CNTNAP2: variants seen among roughly 807,000 people sequenced by gnomAD.
The protein encoded by CNTNAP2 is contactin associated protein 2, also known as contactin-associated protein-like 2.
In CNTNAP2, 98 loss-of-function variants were observed where a neutral mutation model predicts 155.2. The ratio of observed to expected loss-of-function variants is 0.63; its 90% confidence interval spans 0.54 to 0.75. The LOEUF is 0.75. CNTNAP2 is among the 30% of genes least tolerant of loss of function. CNTNAP2 has a pLI of 0.00. For missense variants in CNTNAP2, 1,727 were observed against 1,688.1 expected (o/e 1.02, Z -0.40); for synonymous variants, 651 against 631.2 (o/e 1.03, Z -0.47).
chr7:146,677,718 T>C (rs192888993), intron 1 of CNTNAP2, among the ~76,000 whole-genome samples: 13 of 151,950 alleles, frequency 8.6e-5, no homozygotes, highest in Non-Finnish European at 1.6e-4. Flanking sequence ...AAAGAGGCAG[T>C]TCCTGAATTG....
intron 8 of CNTNAP2, among the ~76,000 whole-genome samples, chr7:147,222,789 A>G (rs1803433060): frequency 6.7e-6 from 1 of 149,342 alleles, no homozygotes; most frequent in Admixed American, 6.7e-5. Flanking sequence ...TTGGACTGTG[A>G]ACATCACAAG....
intron 1 of CNTNAP2, among the ~76,000 whole-genome samples, chr7:146,128,123 C>T (rs1026916316): frequency 2.0e-4 from 30 of 152,112 alleles, no homozygotes; most frequent in Admixed American, 1.6e-3. Flanking sequence ...ACTAAAAACA[C>T]ATTACTCTCT....
intron 10 of CNTNAP2, among the ~76,000 whole-genome samples, chr7:147,407,467 CAAAAAAAAAAAAAAAAAA>C (rs768738493): frequency 4.6e-5 from 3 of 64,864 alleles, no homozygotes; most frequent in Non-Finnish European, 2.9e-5. Flanking sequence ...GACTCCCTCT[CAAAAAAAAAAAAAAAAAA>C]AAAAAAAAAA....
chr7:146,911,530 A>G (rs937615003), intron 3 of CNTNAP2, among the ~76,000 whole-genome samples: 1 of 151,912 alleles, frequency 6.6e-6, no homozygotes, highest in African/African-American at 2.4e-5. Flanking sequence ...ATTGGAAATC[A>G]TCATTCTCAG....
chr7:147,958,515 TA>T (rs924062662), intron 14 of CNTNAP2, among the ~76,000 whole-genome samples: 11 of 152,292 alleles, frequency 7.2e-5, no homozygotes, highest in Admixed American at 3.9e-4. Context: ...CCTTTGAGAA[TA>T]ACTGCCTAAG....
intron 8 of CNTNAP2, among the ~76,000 whole-genome samples, chr7:147,137,176 T>C (rs1801499379): frequency 6.6e-6 from 1 of 151,410 alleles, no homozygotes; most frequent in East Asian, 2.0e-4. Flanking sequence ...GGACATGTGA[T>C]TTTAAAGAGT....
chr7:147,174,764 ATAAT>A, intron 8 of CNTNAP2, among the ~76,000 whole-genome samples: 1 of 152,178 alleles, frequency 6.6e-6, no homozygotes, highest in Non-Finnish European at 1.5e-5. Context: ...AGAGAATATG[ATAAT>A]TAATATTGTA....
chr7:147,855,768 A>T (rs1433425505), intron 13 of CNTNAP2, among the ~76,000 whole-genome samples: 1 of 152,222 alleles, frequency 6.6e-6, no homozygotes, highest in Non-Finnish European at 1.5e-5. Context: ...GAAAAAATAT[A>T]TATTAAAGAT....
At chr7:147,435,105 C>T (rs939768470) in intron 10 of CNTNAP2, among the ~76,000 whole-genome samples, 1 of 152,122 alleles carries the variant, frequency 6.6e-6, no homozygotes, top group Non-Finnish European at 1.5e-5. Flanking sequence ...TGTACAAACC[C>T]TGCTCTGGGT....
chr7:148,223,996 G>A (rs1445889276), intron 19 of CNTNAP2, among the ~76,000 whole-genome samples: 1 of 152,124 alleles, frequency 6.6e-6, no homozygotes, highest in Non-Finnish European at 1.5e-5. Context: ...CCTGACCCAT[G>A]CCAGGGGATG....
chr7:147,346,148 A>AT (rs1190332134), intron 9 of CNTNAP2, among the ~76,000 whole-genome samples: 313 of 21,864 alleles, frequency 0.014, 10 homozygotes, highest in South Asian at 0.14. Flanking sequence ...ATTTTATTTT[A>AT]TTTTATTTTT....
At chr7:147,022,526 T>G (rs1347170486) in intron 3 of CNTNAP2, among the ~76,000 whole-genome samples, 5 of 151,948 alleles carry the variant, frequency 3.3e-5, no homozygotes, top group African/African-American at 1.2e-4. Context: ...TATACACATA[T>G]ATTGTACTAT....
intron 3 of CNTNAP2, among the ~76,000 whole-genome samples, chr7:147,005,346 C>G (rs748490176): frequency 1.3e-5 from 2 of 151,758 alleles, no homozygotes; most frequent in Non-Finnish European, 2.9e-5. Context: ...TACACAATAA[C>G]CAATATTTTA....
At chr7:147,300,328 C>CA (rs779098733) in intron 9 of CNTNAP2, 38 bp downstream of exon 9, 6 of 1,609,888 alleles carry the variant, frequency 3.7e-6, no homozygotes, top group Admixed American at 3.3e-5. Flanking sequence ...TAATCCATTG[C>CA]AAAAAATGAG....
chr7:147,647,121 G>T (rs1231075399), intron 13 of CNTNAP2, among the ~76,000 whole-genome samples: 8 of 151,656 alleles, frequency 5.3e-5, no homozygotes, highest in Admixed American at 1.3e-4. Context: ...CTGAGTAGCT[G>T]GGACTACAGG....
At chr7:148,229,909 A>AG (rs1346231196) in intron 20 of CNTNAP2, 130 bp downstream of exon 20, 1 of 973,028 alleles carries the variant, frequency 1.0e-6, no homozygotes, top group Non-Finnish European at 1.5e-6. Flanking sequence ...TTCTCCTACA[A>AG]GTGCATAACT....
chr7:146,995,030 C>A (rs1798280720), intron 3 of CNTNAP2, among the ~76,000 whole-genome samples: 1 of 152,024 alleles, frequency 6.6e-6, no homozygotes, highest in African/African-American at 2.4e-5. Flanking sequence ...CCATTCTATT[C>A]TCTACTTCTA....
chr7:146,933,283 G>T (rs187406370), intron 3 of CNTNAP2, among the ~76,000 whole-genome samples: 60 of 152,080 alleles, frequency 3.9e-4, no homozygotes, highest in African/African-American at 1.4e-3. Flanking sequence ...AAATAATGTC[G>T]CATATCTACA....
intron 1 of CNTNAP2, among the ~76,000 whole-genome samples, chr7:146,648,646 A>T (rs1192424205): frequency 6.6e-6 from 1 of 152,154 alleles, no homozygotes; most frequent in African/African-American, 2.4e-5. Context: ...ATGAAAAATT[A>T]ATTTTAAAGT....
Sources: allele counts gnomAD v4.1 joint callset (sites outside exome capture counted in the v4.1 genomes callset), GRCh38; gene constraint gnomAD v4.1.1; transcripts MANE v1.5; gene names NCBI Gene and HGNC (gene_info 2026-07-23, HGNC 2026-07-21).